ABR: variants seen among roughly 807,000 people sequenced by gnomAD.
ABR encodes the protein ABR activator of RhoGEF and GTPase, also known as active breakpoint cluster region-related protein.
Under a neutral mutation model 107.2 loss-of-function variants are expected in ABR, and 35 were observed. That is an observed-to-expected ratio of 0.33 (90% CI 0.25 to 0.43). The LOEUF (loss-of-function observed/expected upper bound fraction) is 0.43. ABR is among the 20% of genes least tolerant of loss of function. ABR has a pLI of 1.00. For synonymous variants in ABR, 498 were observed against 462.0 expected (o/e 1.08, Z -1.00); for missense variants, 815 against 1,115.2 (o/e 0.73, Z 3.83).
chr17:1,203,948 C>T (rs2042737937), intron 1 of ABR, among the ~76,000 whole-genome samples: 1 of 152,202 alleles, frequency 6.6e-6, no homozygotes, highest in Non-Finnish European at 1.5e-5. Flanking sequence ...AAGTGCTTTC[C>T]TGTCCGGACC....
intron 2 of ABR, among the ~76,000 whole-genome samples, chr17:1,122,062 C>A (rs545878251): frequency 8.4e-4 from 128 of 152,274 alleles, no homozygotes; most frequent in African/African-American, 3.1e-3. Context: ...GCCACCACGC[C>A]CGGCTAATTT....
intron 1 of ABR, among the ~76,000 whole-genome samples, chr17:1,158,762 TAA>T (rs142332984): frequency 1.4e-5 from 2 of 144,412 alleles, no homozygotes; most frequent in African/African-American, 2.5e-5. Flanking sequence ...GACTCTGTCT[TAA>T]AAAAAAAAAA....
At chr17:1,021,013 G>A (rs973403776) in intron 16 of ABR, among the ~76,000 whole-genome samples, 1 of 152,126 alleles carries the variant, frequency 6.6e-6, no homozygotes, top group African/African-American at 2.4e-5. Context: ...ACTCCAGCAC[G>A]CAGCTCGCCC....
At chr17:1,139,619 GT>G (rs1484045488) in intron 1 of ABR, among the ~76,000 whole-genome samples, 3 of 151,602 alleles carry the variant, frequency 2.0e-5, no homozygotes, top group African/African-American at 7.3e-5. Context: ...ATACATATTT[GT>G]TTTTAAATTT....
At chr17:1,159,919 G>A (rs2041221081) in intron 1 of ABR, among the ~76,000 whole-genome samples, 1 of 152,250 alleles carries the variant, frequency 6.6e-6, no homozygotes, top group Non-Finnish European at 1.5e-5. Flanking sequence ...CCCCTCCAGG[G>A]CCTGATCTCG....
chr17:1,128,685 G>A (rs561053086), intron 1 of ABR, among the ~76,000 whole-genome samples: 1 of 152,302 alleles, frequency 6.6e-6, no homozygotes, highest in African/African-American at 2.4e-5. Flanking sequence ...ACCATGAGGT[G>A]AGCTGAGGAT....
At chr17:1,007,553 G>A (rs2070153536) in intron 21 of ABR, among the ~76,000 whole-genome samples, 1 of 152,210 alleles carries the variant, frequency 6.6e-6, no homozygotes, top group African/African-American at 2.4e-5. Context: ...CTGAACTGAT[G>A]GTGAACTGCC....
chr17:1,221,540 C>T (rs558211077), intron 1 of ABR, among the ~76,000 whole-genome samples: 1 of 152,320 alleles, frequency 6.6e-6, no homozygotes. Context: ...ATAAATAAGC[C>T]TCTATCTTGT....
chr17:1,039,345 C>T (rs1483636066), intron 16 of ABR, among the ~76,000 whole-genome samples: 1 of 152,214 alleles, frequency 6.6e-6, no homozygotes, highest in Non-Finnish European at 1.5e-5. Context: ...TGGGCAGAGT[C>T]CAGGCTCCCA....
At chr17:1,083,225 G>T in intron 5 of ABR, 1 of 174,110 alleles carries the variant, frequency 5.7e-6, no homozygotes, top group Non-Finnish European at 1.2e-5. Context: ...ACTTGCTCAA[G>T]GTCACCATAG....
intron 3 of ABR, among the ~76,000 whole-genome samples, chr17:1,097,957 G>C (rs925784322): frequency 2.0e-5 from 3 of 152,036 alleles, no homozygotes; most frequent in African/African-American, 7.3e-5. Context: ...AGCATCTCCC[G>C]ATCTTCTCAA....
At chr17:1,138,552 A>G (rs1408243316) in intron 1 of ABR, among the ~76,000 whole-genome samples, 3 of 151,968 alleles carry the variant, frequency 2.0e-5, no homozygotes, top group Non-Finnish European at 4.4e-5. Flanking sequence ...AACATAGCTC[A>G]TTGCAGCCTC....
At chr17:1,125,074 G>A (rs2039530359) in intron 2 of ABR, 109 bp downstream of exon 2, 14 of 1,165,264 alleles carry the variant, frequency 1.2e-5, no homozygotes, top group African/African-American at 7.8e-5. Context: ...AGGTCCAAAC[G>A]TCTCCAGTCC....
chr17:1,057,266 G>T (rs1215768760), intron 12 of ABR, among the ~76,000 whole-genome samples, 164 bp from the exon 13 acceptor site: 1 of 148,628 alleles, frequency 6.7e-6, no homozygotes. Flanking sequence ...TGGTGTAGAT[G>T]CTGCGAGAGG....
intron 10 of ABR, among the ~76,000 whole-genome samples, chr17:1,066,595 C>G (rs913501035): frequency 5.3e-5 from 8 of 151,692 alleles, no homozygotes; most frequent in African/African-American, 1.9e-4. Context: ...TTGGCATGTT[C>G]TTGGCTCACT....
chr17:1,164,180 T>C (rs1312433899), intron 1 of ABR, among the ~76,000 whole-genome samples: 1 of 129,668 alleles, frequency 7.7e-6, no homozygotes, highest in Non-Finnish European at 1.6e-5. Flanking sequence ...CACACAGCAC[T>C]GAATCCAGAC....
chr17:1,216,676 G>T (rs11652627), intron 1 of ABR, among the ~76,000 whole-genome samples: 1 of 152,000 alleles, frequency 6.6e-6, no homozygotes, highest in African/African-American at 2.4e-5. Flanking sequence ...GCCTGGGGCC[G>T]GCCACGTGCC....
rs1448158821 is a variant in ABR, at chr17:1,011,111, A to G, written c.2102-248T>C. ...TGGGAAAGGGTGTTTGGGGAGTGAA[A>G]TCCATCACCCAGAGTTCAGAGCCAC... On this transcript the variant is annotated intron_variant, in intron 19 of 22. Coordinates refer to ENST00000302538, the MANE Select transcript of ABR (RefSeq NM_021962.5). This position sits in a 1 kb window ranked among gnomAD's most constrained non-coding sequence, Gnocchi z 4.8. The G allele has an allele frequency of 1.9e-6, 1 of 527,976 alleles. No homozygotes were observed. 32.7% of individuals were successfully genotyped at this position (527,976 alleles called of 1,614,324 possible).
intron 14 of ABR, among the ~76,000 whole-genome samples, chr17:1,052,230 A>G (rs1982273): frequency 0.69 from 104,744 of 151,500 alleles, 36,551 homozygotes; most frequent in East Asian, 0.84. Context: ...AGAGGCCCTG[A>G]GCACCCCAGC....
Sources: allele counts gnomAD v4.1 joint callset (sites outside exome capture counted in the v4.1 genomes callset), GRCh38; gene constraint gnomAD v4.1.1; non-coding constraint Gnocchi (gnomAD v3.1); transcripts MANE v1.5; gene names NCBI Gene and HGNC (gene_info 2026-07-23, HGNC 2026-07-21).